The following TSPAN5 variants were observed in gnomAD, a reference collection of about 807,000 sequenced individuals.
TSPAN5 encodes the protein tetraspanin 5.
In TSPAN5, 10 loss-of-function variants were observed where a neutral mutation model predicts 37.1. That is an observed-to-expected ratio of 0.27 (90% CI 0.17 to 0.46). The LOEUF is 0.46. Ranked by LOEUF, TSPAN5 falls within the 20% of genes least tolerant of loss-of-function variation. The pLI, the probability that TSPAN5 is intolerant of heterozygous loss-of-function variation, is 1.00. For missense variants in TSPAN5, 195 were observed against 326.6 expected, an observed-to-expected ratio of 0.60 and a Z score of 3.11; for synonymous variants, 110 against 118.9, an observed-to-expected ratio of 0.93 and a Z score of 0.48.
intron 1 of TSPAN5, among the ~76,000 whole-genome samples, chr4:98,583,005 T>A (rs2110197398): frequency 6.6e-6 from 1 of 152,294 alleles, no homozygotes; most frequent in Non-Finnish European, 1.5e-5. Flanking sequence ...AAGGCAGATA[T>A]ACTTACCATT....
At chr4:98,629,384 A>G (rs1756691985) in intron 1 of TSPAN5, among the ~76,000 whole-genome samples, 1 of 152,242 alleles carries the variant, frequency 6.6e-6, no homozygotes, top group Non-Finnish European at 1.5e-5. Context: ...GGAGGATTAA[A>G]TGAGCTGATA....
chr4:98,522,232 T>A (rs542571715), intron 1 of TSPAN5, among the ~76,000 whole-genome samples: 1 of 152,360 alleles, frequency 6.6e-6, no homozygotes, highest in Non-Finnish European at 1.5e-5. Context: ...ACTGACTTCT[T>A]GTTAGAATTC....
chr4:98,658,275 C>T lies in TSPAN5; in HGVS notation c.-49G>A. 1 of 1,483,572 alleles carries T rather than the reference C, an allele frequency of 6.7e-7. No individual in the cohort carries two copies. Among genetic ancestry groups the T allele is most frequent in the South Asian group, 1.1e-5 (1 of 88,370 alleles). The allele number at this position is 1,483,572 out of a possible 1,614,324, so 91.9% of individuals were successfully genotyped here. ...GCCCCGGCAGCCCGAGTTTGGAGCT[C>T]CGAAGCACCGTTGCTCGGAGCAGCC... On this transcript the variant is annotated 5_prime_UTR_variant, in exon 1 of 8. Transcript: ENST00000305798.
intron 1 of TSPAN5, among the ~76,000 whole-genome samples, chr4:98,584,532 C>T (rs1755443946): frequency 6.6e-6 from 1 of 152,160 alleles, no homozygotes; most frequent in Non-Finnish European, 1.5e-5. Flanking sequence ...GGAATGAATA[C>T]ACAAAAGTAT....
chr4:98,521,380 G>T (rs1241179010), intron 1 of TSPAN5, among the ~76,000 whole-genome samples: 1 of 152,166 alleles, frequency 6.6e-6, no homozygotes, highest in Non-Finnish European at 1.5e-5. Flanking sequence ...CTAAGTTCAG[G>T]GTTCCTCTCC....
intron 2 of TSPAN5, among the ~76,000 whole-genome samples, chr4:98,495,231 T>C (rs1753174703): frequency 6.6e-6 from 1 of 152,168 alleles, no homozygotes; most frequent in African/African-American, 2.4e-5. Context: ...AGTAAGAATG[T>C]GAAAAACCAG....
At chr4:98,638,027 G>C (rs557272292) in intron 1 of TSPAN5, among the ~76,000 whole-genome samples, 1 of 152,092 alleles carries the variant, frequency 6.6e-6, no homozygotes, top group Non-Finnish European at 1.5e-5. Context: ...TCTGCTCCAC[G>C]GTCTTGGCCT....
At chr4:98,541,153 C>T (rs1754348340) in intron 1 of TSPAN5, among the ~76,000 whole-genome samples, 1 of 152,188 alleles carries the variant, frequency 6.6e-6, no homozygotes, top group Non-Finnish European at 1.5e-5. Context: ...TTCCCTCCTT[C>T]TCTAGACAGG....
chr4:98,619,721 T>A (rs1756437633), intron 1 of TSPAN5, among the ~76,000 whole-genome samples: 1 of 152,206 alleles, frequency 6.6e-6, no homozygotes, highest in South Asian at 2.1e-4. Flanking sequence ...ATAAAAACAC[T>A]ATAAACTGTG....
intron 1 of TSPAN5, among the ~76,000 whole-genome samples, chr4:98,635,255 G>A (rs1756829419): frequency 6.6e-6 from 1 of 152,114 alleles, no homozygotes; most frequent in African/African-American, 2.4e-5. Flanking sequence ...GCAAAGCTTG[G>A]GATAAAACCC....
intron 1 of TSPAN5, among the ~76,000 whole-genome samples, chr4:98,544,542 C>G (rs1227751281): frequency 2.0e-5 from 3 of 152,172 alleles, no homozygotes; most frequent in Non-Finnish European, 4.4e-5. Context: ...GTTCTGACCC[C>G]TGGGCTGGCT....
chr4:98,536,489 G>A (rs766702974), intron 1 of TSPAN5, among the ~76,000 whole-genome samples: 1 of 152,248 alleles, frequency 6.6e-6, no homozygotes, highest in Non-Finnish European at 1.5e-5. Flanking sequence ...GGACCCACTT[G>A]AGGAGGCAGG....
chr4:98,657,391 C>G (rs1757314745), intron 1 of TSPAN5: 1 of 152,030 alleles, frequency 6.6e-6, no homozygotes. Flanking sequence ...CCCCAAACGG[C>G]CCGCTCTGTG....
intron 1 of TSPAN5, among the ~76,000 whole-genome samples, chr4:98,605,468 C>A (rs1056113087): frequency 6.6e-6 from 1 of 152,166 alleles, no homozygotes; most frequent in African/African-American, 2.4e-5. Flanking sequence ...TGCCCTACCT[C>A]CTAATTCAGC....
In TSPAN5 at chr4:98,588,930, T is replaced by G. The variant is rs74350206; in HGVS notation, c.81+69216A>C. Among the ~76,000 whole-genome samples, 230 of 152,278 alleles carry G rather than the reference T, an allele frequency of 1.5e-3. 7 individuals are homozygous for G. The East Asian group carries it at 0.044, about 29-fold the overall frequency. ...TTATCCTTTTGATAAAAGGATAGAT[T>G]AACAACCCTAGAAAGCTGGCTAGAA... On this transcript the variant is annotated intron_variant, in intron 1 of 7. Transcript: ENST00000305798.
chr4:98,562,623 T>C (rs1436499737), intron 1 of TSPAN5, among the ~76,000 whole-genome samples: 1 of 152,026 alleles, frequency 6.6e-6, no homozygotes, highest in Non-Finnish European at 1.5e-5. Flanking sequence ...ATCGCGCCAC[T>C]GCACTCCAGC....
intron 1 of TSPAN5, among the ~76,000 whole-genome samples, chr4:98,613,616 TGTTAA>T (rs1756252671): frequency 6.6e-6 from 1 of 152,112 alleles, no homozygotes; most frequent in Admixed American, 6.6e-5. Flanking sequence ...CTTCAATGAC[TGTTAA>T]TATGCCAACC....
intron 1 of TSPAN5, among the ~76,000 whole-genome samples, chr4:98,580,546 G>A (rs1176914246): frequency 6.6e-6 from 1 of 152,194 alleles, no homozygotes; most frequent in Non-Finnish European, 1.5e-5. Flanking sequence ...AGGTTTCCCA[G>A]AGAGAAGTCA....
intron 1 of TSPAN5, among the ~76,000 whole-genome samples, chr4:98,522,150 C>A (rs1280426501): frequency 6.6e-6 from 1 of 152,228 alleles, no homozygotes; most frequent in Non-Finnish European, 1.5e-5. Flanking sequence ...CCTACACTTA[C>A]ACGCTCCCGT....
Sources: gnomAD v4.1 joint callset for allele counts (sites outside exome capture counted in the v4.1 genomes callset) on GRCh38, gnomAD v4.1.1 for gene constraint, MANE v1.5 for transcripts, NCBI Gene and HGNC (gene_info 2026-07-23, HGNC 2026-07-21) for gene names.